The following FBXO22 variants were observed in gnomAD, a reference collection of about 807,000 sequenced individuals.
FBXO22 encodes F-box protein 22, also known as F-box only protein 22.
A neutral mutation model predicts 37.2 loss-of-function variants in FBXO22; 13 were observed. The observed-to-expected ratio is 0.35, with a 90% CI of 0.23 to 0.56. The LOEUF (loss-of-function observed/expected upper bound fraction) is 0.56, where lower values mean the gene tolerates loss of function less well. FBXO22 is among the 20% of genes least tolerant of loss of function. The probability of loss-of-function intolerance (pLI) is 0.87; values close to 1 mark genes in which losing one functional copy is unlikely to be tolerated. For missense variants in FBXO22, 446 were observed against 509.9 expected, an observed-to-expected ratio of 0.87 and a Z score of 1.21; for synonymous variants, 189 against 189.1, an observed-to-expected ratio of 1.00 and a Z score of 0.00.
rs1352919774 is a variant in FBXO22, at chr15:75,939,338, A to G, written c.*6236A>G. 6.6e-6 allele frequency: 1 copy of G among 152,160 alleles called. No homozygotes were observed. 9.4% of individuals were successfully genotyped at this position (152,160 alleles called of 1,614,324 possible). On this transcript the variant is annotated 3_prime_UTR_variant, in exon 7 of 7. Coordinates refer to ENST00000308275, the MANE Select transcript of FBXO22 (RefSeq NM_147188.3). The stretch of plus-strand genomic sequence containing the variant: ...CTAGATGAAATGCTCAAAGTCCTAG[A>G]AATGCAAAACGTACTACTGCTGAAC...
intron 5 of FBXO22, among the ~76,000 whole-genome samples, chr15:75,928,068 G>GGCAGAA (rs914844948): frequency 2.3e-4 from 35 of 152,076 alleles, no homozygotes; most frequent in African/African-American, 8.4e-4. Flanking sequence ...TCCCATACTA[G>GGCAGAA]GCAGAATGGC....
chr15:75,926,434 G>A (rs1360774574), intron 5 of FBXO22, among the ~76,000 whole-genome samples: 1 of 152,226 alleles, frequency 6.6e-6, no homozygotes, highest in Non-Finnish European at 1.5e-5. Context: ...GCCAGCCTTG[G>A]CTAAGGTGGG....
intron 4 of FBXO22, among the ~76,000 whole-genome samples, chr15:75,916,558 A>C (rs556696797): frequency 6.6e-6 from 1 of 152,310 alleles, no homozygotes; most frequent in African/African-American, 2.4e-5. Context: ...CTCCAAATAT[A>C]GTCACATGGG....
intron 4 of FBXO22, among the ~76,000 whole-genome samples, chr15:75,916,433 A>C (rs1182365112): frequency 2.6e-5 from 4 of 152,178 alleles, no homozygotes; most frequent in African/African-American, 9.7e-5. Flanking sequence ...CCTTTTCTTC[A>C]TACATAAGCA....
chr15:75,917,485 C>G lies in FBXO22; in HGVS notation c.628+91C>G, dbSNP rs911910986. The G allele has an allele frequency of 6.4e-6, 6 of 943,316 alleles. No homozygotes were observed. In the Admixed American group the frequency reaches 1.8e-4, roughly 28 times the overall value. The allele number at this position is 943,316 out of a possible 1,614,324, so 58.4% of individuals were successfully genotyped here. On this transcript the variant is annotated intron_variant, in intron 5 of 6. Coordinates refer to ENST00000308275, the MANE Select transcript of FBXO22 (RefSeq NM_147188.3). Reference sequence around the variant, plus strand: ...TGGCTAGTTGGTGGATATTAGGTTCCTTTGGGAGAATCTGAATTAAGTACA... The same window carrying G: ...TGGCTAGTTGGTGGATATTAGGTTCGTTTGGGAGAATCTGAATTAAGTACA...
At position 75,935,406 on chromosome 15, in the gene FBXO22, T is replaced by G. The variant is rs930037170; in HGVS notation, c.*2304T>G. 1 of 152,164 alleles carries G rather than the reference T, an allele frequency of 6.6e-6. No individual in the cohort carries two copies. The highest frequency in any genetic ancestry group is 6.5e-5 in the Admixed American group (1 of 15,280). The allele number at this position is 152,164 out of a possible 1,614,324, so 9.4% of individuals were successfully genotyped here. A position where few individuals can be genotyped will look rare whatever the true frequency, so the allele number is the denominator to read the frequency against. ...CTGAGCTGACGATCAGATCATAGAA[T>G]ACTTTATTTAATCAAGACATTTAAA... is the stretch of plus-strand genomic sequence containing the variant. On this transcript the variant is annotated 3_prime_UTR_variant, in exon 7 of 7. Coordinates refer to ENST00000308275, the MANE Select transcript of FBXO22 (RefSeq NM_147188.3).
rs191922185 is a variant in FBXO22 at position 75,906,568 on chromosome 15, C to T, written c.279+1939C>T. On this transcript the variant is annotated intron_variant, in intron 2 of 6. Transcript: ENST00000308275. ...TTTGGGCAAAGGGAAACCTGGTTCT[C>T]ATCATTCTTAATGTATTTAGATATT... Among the ~76,000 whole-genome samples, 7 of 152,238 alleles carry T rather than the reference C, an allele frequency of 4.6e-5. 1 individual carries two copies. The East Asian group carries it at 1.2e-3, about 25-fold the overall frequency.
Position 75,939,529 on chromosome 15 carries a change from T to A in FBXO22, c.*6427T>A, listed in dbSNP as rs371227590. On this transcript the variant is annotated 3_prime_UTR_variant, in exon 7 of 7. Transcript: ENST00000308275. Reference sequence around the variant, plus strand: ...ATCCCTTCTAACTTTTCCCAAAAATTGAAGAGGAAGGACGCTGCCTAATTC... The same window carrying A: ...ATCCCTTCTAACTTTTCCCAAAAATAGAAGAGGAAGGACGCTGCCTAATTC... 6.6e-6 allele frequency: 1 copy of A among 152,118 alleles called. No individual in the cohort carries two copies. The highest frequency in any genetic ancestry group is 1.5e-5 in the Non-Finnish European group (1 of 67,980). 9.4% of individuals were successfully genotyped at this position (152,118 alleles called of 1,614,324 possible).
intron 5 of FBXO22, among the ~76,000 whole-genome samples, chr15:75,918,428 G>GGGA (rs770262012): frequency 1.3e-5 from 2 of 152,144 alleles, no homozygotes; most frequent in Non-Finnish European, 2.9e-5. Context: ...ATGTGGAAGA[G>GGGA]GGTGGTCAGG....
chr15:75,904,448 A>G (rs759307254), intron 1 of FBXO22, 43 bp from the exon 2 acceptor site: 10 of 1,612,518 alleles, frequency 6.2e-6, no homozygotes, highest in East Asian at 2.2e-5. Context: ...GAGAGACGAA[A>G]ATGAACGTCC....
rs543805724 is a variant in FBXO22, at chr15:75,919,467, A to G, written c.628+2073A>G. On this transcript the variant is annotated intron_variant, in intron 5 of 6. Transcript: ENST00000308275. ...TTAAAAAATAAATAGAAGGTAGTCA[A>G]CCTTAAAAGATTGCAGGCTTGTAGC... Among the ~76,000 whole-genome samples the G allele has an allele frequency of 2.6e-5, 4 of 152,352 alleles. 1 individual carries two copies. The South Asian group carries it at 8.3e-4, about 32-fold the overall frequency.
rs2030617595 is a variant in FBXO22, at chr15:75,938,634, A to G, written c.*5532A>G. ...GAAAAGTATAATAAATGAAATTTTC[A>G]CTACAGGGGTTCAGCAGCAGATATA... On this transcript the variant is annotated 3_prime_UTR_variant, in exon 7 of 7. Transcript: ENST00000308275. The G allele has an allele frequency of 6.6e-6, 1 of 152,210 alleles. No individual in the cohort carries two copies. The highest frequency in any genetic ancestry group is 6.5e-5 in the Admixed American group (1 of 15,280). 9.4% of individuals were successfully genotyped at this position (152,210 alleles called of 1,614,324 possible).
intron 1 of FBXO22, 145 bp from the exon 2 acceptor site, chr15:75,904,346 C>A: frequency 7.9e-7 from 1 of 1,262,066 alleles, no homozygotes; most frequent in South Asian, 1.3e-5. Context: ...TCCGAACTAG[C>A]GCCCTGACTG....
rs543993948 is a variant in FBXO22, at chr15:75,939,996, C to T, written c.*6894C>T. 2.6e-5 allele frequency: 4 copies of T among 152,026 alleles called. No homozygotes were observed. In the South Asian group the frequency reaches 8.3e-4, roughly 32 times the overall value. The allele number at this position is 152,026 out of a possible 1,614,324, so 9.4% of individuals were successfully genotyped here. A position where few individuals can be genotyped will look rare whatever the true frequency, so the allele number is the denominator to read the frequency against. ...TTCACCATTCCTATTCAACACAGTA[C>T]TAGGAGTTCTAGCCTGAGCTAGAAA... On this transcript the variant is annotated 3_prime_UTR_variant, in exon 7 of 7. Transcript: ENST00000308275.
chr15:75,930,820 TA>T, intron 6 of FBXO22: 2 of 985,420 alleles, frequency 2.0e-6, no homozygotes, highest in Non-Finnish European at 2.4e-6. Context: ...CCACTCTGTT[TA>T]ATATTTGCAT....
In FBXO22 at chr15:75,929,835, A is replaced by ATTCCC. The variant is rs780255988; in HGVS notation, c.629-47_629-46insCCCTT. The ATTCCC allele has an allele frequency of 1.9e-6, 3 of 1,605,884 alleles. No individual in the cohort carries two copies. The South Asian group carries it at 3.3e-5, about 18-fold the overall frequency. On this transcript the variant is annotated intron_variant, in intron 5 of 6. Transcript: ENST00000308275. ...TTCATTTTGCAGCATGTATAAAATA[A>ATTCCC]TTTCTGTTTTAAGGCTGTCTTTAAC... is the stretch of plus-strand genomic sequence containing the variant.
At chr15:75,920,601 C>T (rs1900295990) in intron 5 of FBXO22, among the ~76,000 whole-genome samples, 2 of 151,978 alleles carry the variant, frequency 1.3e-5, no homozygotes. Flanking sequence ...GCGGGAGGAT[C>T]GCTTGAGCCC....
Position 75,936,022 on chromosome 15 carries a change from T to A in FBXO22, c.*2920T>A, listed in dbSNP as rs1307762824. 6.6e-6 allele frequency: 1 copy of A among 152,114 alleles called. No homozygotes were observed. The highest frequency in any genetic ancestry group is 1.5e-5 in the Non-Finnish European group (1 of 68,020). The allele number at this position is 152,114 out of a possible 1,614,324, so 9.4% of individuals were successfully genotyped here. ...CAAGATGGTCTCGATCTCCTGACCT[T>A]GTGATCCGCCCGCCTCGGCCTCCCA... On this transcript the variant is annotated 3_prime_UTR_variant, in exon 7 of 7. Coordinates refer to ENST00000308275, the MANE Select transcript of FBXO22 (RefSeq NM_147188.3).
At chr15:75,913,353 C>G (rs949692692) in intron 3 of FBXO22, 63 bp downstream of exon 3, 6 of 1,095,714 alleles carry the variant, frequency 5.5e-6, no homozygotes, top group Non-Finnish European at 6.9e-6. Context: ...GTTCGGAGTT[C>G]AATATTATAC....
Sources: allele counts gnomAD v4.1 joint callset (sites outside exome capture counted in the v4.1 genomes callset), GRCh38; gene constraint gnomAD v4.1.1; transcripts MANE v1.5; gene names NCBI Gene and HGNC (gene_info 2026-07-23, HGNC 2026-07-21).